The following GPM6B variants were observed in gnomAD, a reference collection of about 807,000 sequenced individuals.
GPM6B encodes neuronal membrane glycoprotein M6-b.
Under a neutral mutation model 27.2 loss-of-function variants are expected in GPM6B, and 4 were observed. The observed-to-expected ratio is 0.15, with a 90% CI of 0.07 to 0.34. The LOEUF (loss-of-function observed/expected upper bound fraction) is 0.34. GPM6B is among the 10% of genes least tolerant of loss of function. The pLI, the probability that GPM6B is intolerant of heterozygous loss-of-function variation, is 1.00. For missense variants in GPM6B, 183 were observed against 261.9 expected (o/e 0.70, Z 2.08); for synonymous variants, 124 against 103.1 (o/e 1.20, Z -1.23).
chrX:13,880,356 C>T (rs1474411333), intron 1 of GPM6B, among the ~76,000 whole-genome samples: 2 of 111,386 alleles, frequency 1.8e-5, no homozygotes, highest in African/African-American at 6.5e-5. Flanking sequence ...CCCATTAAAT[C>T]TCCTGAAGCC....
At chrX:13,780,138 A>G (rs2048489299) in intron 4 of GPM6B, 149 bp from the exon 5 acceptor site, 1 of 412,822 alleles carries the variant, frequency 2.4e-6, no homozygotes, top group Non-Finnish European at 4.0e-6. Context: ...CAAGAAGGAA[A>G]AGCCAGCACG....
At chrX:13,845,648 A>C (rs923827725) in intron 1 of GPM6B, among the ~76,000 whole-genome samples, 2 of 110,540 alleles carry the variant, frequency 1.8e-5, no homozygotes, top group African/African-American at 6.6e-5. Context: ...GCATTCTACC[A>C]CTTCTATGGG....
At chrX:13,886,662 C>T (rs1329141837) in intron 1 of GPM6B, among the ~76,000 whole-genome samples, 1 of 89,846 alleles carries the variant, frequency 1.1e-5, no homozygotes, top group Admixed American at 1.5e-4. Flanking sequence ...CCATCAACAT[C>T]AAACCAAAGA....
upstream of GPM6B, chrX:13,817,419 A>T: frequency 1.4e-6 from 1 of 707,448 alleles, no homozygotes. Flanking sequence ...AGGGGATGTG[A>T]AGGAGAAAGA....
chrX:13,919,151 A>G (rs1181373579), intron 1 of GPM6B, among the ~76,000 whole-genome samples: 2 of 111,894 alleles, frequency 1.8e-5, no homozygotes, highest in Non-Finnish European at 3.8e-5. Flanking sequence ...GGTAAGAAGA[A>G]GAGAGTTTCC....
chrX:13,849,178 G>A (rs1048761381), intron 1 of GPM6B, among the ~76,000 whole-genome samples: 1 of 112,617 alleles, frequency 8.9e-6, no homozygotes, highest in African/African-American at 3.2e-5. Context: ...AAATGTGGAA[G>A]AAATAGGGAG....
upstream of GPM6B, among the ~76,000 whole-genome samples, chrX:13,821,890 T>C (rs928894672): frequency 8.9e-6 from 1 of 112,214 alleles, no homozygotes. Flanking sequence ...CCATCGTGCC[T>C]GACCCGAATC....
chrX:13,866,265 A>G (rs2049917141), intron 1 of GPM6B, among the ~76,000 whole-genome samples: 1 of 112,479 alleles, frequency 8.9e-6, no homozygotes, highest in Non-Finnish European at 1.9e-5. Flanking sequence ...AGGGAGGCTG[A>G]GGCAGGAGAA....
chrX:13,840,894 G>C (rs1386897123), intron 1 of GPM6B, among the ~76,000 whole-genome samples: 1 of 111,867 alleles, frequency 8.9e-6, no homozygotes, highest in Non-Finnish European at 1.9e-5. Context: ...GCACAAAGGA[G>C]GTGTCGGATA....
chrX:13,835,783 T>C (rs1271152643), intron 1 of GPM6B, among the ~76,000 whole-genome samples: 1 of 112,269 alleles, frequency 8.9e-6, no homozygotes, highest in Non-Finnish European at 1.9e-5. Flanking sequence ...CATCAAGAAC[T>C]AAGAGGGGCT....
chrX:13,872,905 G>A (rs1187299951), intron 1 of GPM6B, among the ~76,000 whole-genome samples: 1 of 110,987 alleles, frequency 9.0e-6, no homozygotes, highest in Non-Finnish European at 1.9e-5. Flanking sequence ...ACCCTGAGAG[G>A]GAGTGCCCCC....
chrX:13,772,409 G>A lies in GPM6B; in HGVS notation c.*472C>T, dbSNP rs1340346341. 8.8e-6 allele frequency: 1 copy of A among 113,155 alleles called. No homozygotes were observed. The highest frequency in any genetic ancestry group is 1.9e-5 in the Non-Finnish European group (1 of 53,860). 9.3% of individuals were successfully genotyped at this position (113,155 alleles called of 1,213,427 possible). Reference sequence around the variant, plus strand: ...AAAGTTTAATAAATGTCAGCTGTCAGAAATGGAACTTTACATCAATTCCAT... The same window carrying A: ...AAAGTTTAATAAATGTCAGCTGTCAAAAATGGAACTTTACATCAATTCCAT... On this transcript the variant is annotated 3_prime_UTR_variant, in exon 8 of 8. Transcript: ENST00000316715.
chrX:13,921,873 G>A (rs1234206577), intron 1 of GPM6B, among the ~76,000 whole-genome samples: 4 of 111,789 alleles, frequency 3.6e-5, no homozygotes, highest in Admixed American at 9.5e-5. Flanking sequence ...CACCGTGCCC[G>A]GCCTATACCC....
In GPM6B at chrX:13,923,566, A is replaced by G. The variant is rs759933806; in HGVS notation, c.-198+14761T>C. Among the ~76,000 whole-genome samples, 8 of 112,455 alleles carry G rather than the reference A, an allele frequency of 7.1e-5. No individual in the cohort carries two copies. The South Asian group carries it at 3.0e-3, about 42-fold the overall frequency. On this transcript the variant is annotated intron_variant, in intron 1 of 6. Transcript: ENST00000398361. ...TTCGCAGGGTGAGCAGCTATGTAAAATCTGCCAGGAGAAGTTTTCCATTAA... is the reference window on the plus strand; with the variant it reads ...TTCGCAGGGTGAGCAGCTATGTAAAGTCTGCCAGGAGAAGTTTTCCATTAA...
upstream of GPM6B, among the ~76,000 whole-genome samples, chrX:13,819,090 C>T (rs892432655): frequency 3.9e-4 from 44 of 112,194 alleles, no homozygotes; most frequent in African/African-American, 1.4e-3. Context: ...AGTTCTATAT[C>T]GAGATCAAAA....
chrX:13,849,582 G>A (rs2049690360), intron 1 of GPM6B, among the ~76,000 whole-genome samples: 1 of 112,386 alleles, frequency 8.9e-6, no homozygotes, highest in East Asian at 2.8e-4. Flanking sequence ...ATAATGTTAA[G>A]ACAATAAAAC....
intron 2 of GPM6B, among the ~76,000 whole-genome samples, chrX:13,793,177 A>G (rs752319760): frequency 9.0e-6 from 1 of 111,217 alleles, no homozygotes; most frequent in Non-Finnish European, 1.9e-5. Context: ...CACCTACAGG[A>G]TAAAACTTTG....
At chrX:13,887,507 C>T (rs1471063394) in intron 1 of GPM6B, among the ~76,000 whole-genome samples, 2 of 111,705 alleles carry the variant, frequency 1.8e-5, no homozygotes, top group African/African-American at 6.5e-5. Flanking sequence ...GGCTTACTTT[C>T]CTCCTTGAAG....
intron 1 of GPM6B, among the ~76,000 whole-genome samples, chrX:13,938,072 C>G (rs781610874): frequency 1.8e-5 from 2 of 109,766 alleles, no homozygotes. Context: ...AACAGAAGCA[C>G]GGCGGGGCGG....
Sources: gnomAD v4.1 joint callset for allele counts (sites outside exome capture counted in the v4.1 genomes callset) on GRCh38, gnomAD v4.1.1 for gene constraint, MANE v1.5 for transcripts, NCBI Gene and HGNC (gene_info 2026-07-23, HGNC 2026-07-21) for gene names.